The following PHLDB2 variants were observed in gnomAD, a reference collection of about 807,000 sequenced individuals.
The protein encoded by PHLDB2 is pleckstrin homology-like domain family B member 2.
A neutral mutation model predicts 123.6 loss-of-function variants in PHLDB2; 71 were observed. The ratio of observed to expected loss-of-function variants is 0.57; its 90% CI spans 0.47 to 0.70. PHLDB2 has a LOEUF of 0.70. Ranked by LOEUF, PHLDB2 falls within the 30% of genes least tolerant of loss-of-function variation. The probability of loss-of-function intolerance (pLI) is 0.00; values close to 1 mark genes in which losing one functional copy is unlikely to be tolerated. For missense variants in PHLDB2, 1,446 were observed against 1,519.5 expected (o/e 0.95, Z 0.80); for synonymous variants, 547 against 541.6 (o/e 1.01, Z -0.14).
chr3:111,789,753 C>A (rs1335907705), intron 1 of PHLDB2, among the ~76,000 whole-genome samples: 1 of 152,188 alleles, frequency 6.6e-6, no homozygotes, highest in African/African-American at 2.4e-5. Context: ...CAGCGACCAA[C>A]AAATAGCAGT....
intron 3 of PHLDB2, 31 bp downstream of exon 3, chr3:111,913,733 T>G (rs140142624): frequency 2.5e-6 from 4 of 1,573,238 alleles, no homozygotes; most frequent in Non-Finnish European, 3.5e-6. Flanking sequence ...ATACTAGGAT[T>G]TAAGGTCTAG....
intron 1 of PHLDB2, among the ~76,000 whole-genome samples, chr3:111,813,143 C>A (rs148483398): frequency 6.6e-6 from 1 of 152,256 alleles, no homozygotes; most frequent in Non-Finnish European, 1.5e-5. Context: ...TATAAAAAAA[C>A]TGTAGGAGGA....
intron 2 of PHLDB2, chr3:111,911,472 T>C: frequency 1.5e-6 from 1 of 689,216 alleles, no homozygotes; most frequent in Non-Finnish European, 2.4e-6. Flanking sequence ...TGTAGACTTT[T>C]CCAGATTGTT....
intron 3 of PHLDB2, chr3:111,914,362 T>G (rs1019039037): frequency 4.6e-5 from 7 of 152,252 alleles, no homozygotes; most frequent in African/African-American, 1.7e-4. Flanking sequence ...ACTCAATATT[T>G]CCAAATCGTA....
chr3:111,768,632 C>T (rs1461907109), intron 1 of PHLDB2, among the ~76,000 whole-genome samples: 1 of 152,142 alleles, frequency 6.6e-6, no homozygotes, highest in Non-Finnish European at 1.5e-5. Context: ...TCACCCACAC[C>T]CTCGGATCCT....
intron 11 of PHLDB2, 86 bp downstream of exon 11, chr3:111,952,798 A>C: frequency 6.9e-7 from 1 of 1,442,274 alleles, no homozygotes. Context: ...CTTTAAAGAA[A>C]AGTGCTAAAT....
chr3:111,816,738 T>C (rs182488676), intron 1 of PHLDB2, among the ~76,000 whole-genome samples: 29 of 152,294 alleles, frequency 1.9e-4, no homozygotes, highest in Admixed American at 1.2e-3. Context: ...CTGTTGGGAA[T>C]GCATGATTGG....
intron 1 of PHLDB2, among the ~76,000 whole-genome samples, chr3:111,837,512 G>A (rs571593419): frequency 1.4e-4 from 22 of 152,176 alleles, no homozygotes; most frequent in Middle Eastern, 3.4e-3. Context: ...AGAAATGCTG[G>A]ATTACACAAA....
chr3:111,917,240 A>G (rs1201589608), intron 3 of PHLDB2: 3 of 152,254 alleles, frequency 2.0e-5, no homozygotes, highest in Non-Finnish European at 2.9e-5. Flanking sequence ...ATTATTAAAT[A>G]TATCTACTGT....
chr3:111,912,463 A>C (rs1458597933), intron 2 of PHLDB2, among the ~76,000 whole-genome samples: 3 of 152,158 alleles, frequency 2.0e-5, no homozygotes, highest in Non-Finnish European at 2.9e-5. Flanking sequence ...TCTGGACTTC[A>C]TGTGAAATGT....
At chr3:111,949,173 C>A in intron 10 of PHLDB2, 98 bp downstream of exon 10, 1 of 1,377,438 alleles carries the variant, frequency 7.3e-7, no homozygotes, top group Non-Finnish European at 1.0e-6. Flanking sequence ...ACGTGCATGA[C>A]AAATGTATAT....
chr3:111,946,543 T>C (rs1321835982), intron 9 of PHLDB2, among the ~76,000 whole-genome samples: 1 of 152,228 alleles, frequency 6.6e-6, no homozygotes, highest in African/African-American at 2.4e-5. Context: ...AAATATTTCT[T>C]CCAAAGCTTT....
rs2066096207 is a variant in PHLDB2 at position 111,885,275 on chromosome 3, C to G, written c.1198C>G (p.Gln400Glu). The G allele has an allele frequency of 3.1e-6, 5 of 1,614,202 alleles. No homozygotes were observed. The highest frequency in any genetic ancestry group is 4.2e-6 in the Non-Finnish European group (5 of 1,180,034). ...TGAGGCAGATTTGGAAAGCCTCAGACAGGCCTCAGGAACCCCCCAGCCTGC... is the reference window on the plus strand; with the variant it reads ...TGAGGCAGATTTGGAAAGCCTCAGAGAGGCCTCAGGAACCCCCCAGCCTGC... ...FDEADLESLRQASGTPQPALR... is the reference protein window; with the variant it reads ...FDEADLESLREASGTPQPALR... Residue 400 changes from glutamine to glutamate, a missense_variant, in exon 2 of 18, where the codon CAG becomes GAG. Around this residue, in one of 3 missense-constraint regions of PHLDB2, gnomAD observed 832 missense variants for 831.9 expected, o/e 1.00. Transcript: ENST00000431670.
At chr3:111,974,352 CAT>C (rs1425287513) in intron 17 of PHLDB2, 69 bp from the exon 18 acceptor site, 44 of 1,354,734 alleles carry the variant, frequency 3.2e-5, no homozygotes, top group Middle Eastern at 2.1e-4. Flanking sequence ...GAAGTCATCA[CAT>C]GTCTGTGTTA....
At chr3:111,839,966 C>CTTTTTTTTTTTTTTTTTTTTTTT (rs1559861765) in intron 1 of PHLDB2, among the ~76,000 whole-genome samples, 1 of 4,242 alleles carries the variant, frequency 2.4e-4, no homozygotes, top group African/African-American at 5.3e-4. Flanking sequence ...TTTTTTTTTG[C>CTTTTTTTTTTTTTTTTTTTTTTT]GCCAAGTGTG....
intron 13 of PHLDB2, among the ~76,000 whole-genome samples, chr3:111,966,007 A>C (rs1205708293): frequency 6.6e-6 from 1 of 152,158 alleles, no homozygotes; most frequent in African/African-American, 2.4e-5. Context: ...GGTACTCTTC[A>C]CAAAACTGGC....
chr3:111,898,182 T>TTTGTG lies in PHLDB2; in HGVS notation c.1335+12771_1335+12772insTGTGT, dbSNP rs2066985133. The stretch of plus-strand genomic sequence containing the variant: ...TTTCTTTGTGTGTGTGTGTGTGTGT[T>TTTGTG]TGTGTGTGTGTGTGTGTGTGTGTGT... On this transcript the variant is annotated intron_variant, in intron 2 of 17. Transcript: ENST00000431670. Among the ~76,000 whole-genome samples, 1,334 of 142,640 alleles carry TTTGTG rather than the reference T, an allele frequency of 9.4e-3. 4 individuals are homozygous for TTTGTG. The highest frequency in any genetic ancestry group is 0.013 in the Non-Finnish European group (831 of 66,140). The allele number at this position is 142,640 out of a possible 152,430, so 93.6% of individuals were successfully genotyped here. A position where few individuals can be genotyped will look rare whatever the true frequency, so the allele number is the denominator to read the frequency against.
chr3:111,897,666 A>G (rs548598324), intron 2 of PHLDB2, among the ~76,000 whole-genome samples: 11 of 152,244 alleles, frequency 7.2e-5, no homozygotes, highest in Non-Finnish European at 1.3e-4. Flanking sequence ...AAGAGGAACA[A>G]ATTTCTCATA....
rs1436528394 is a variant in PHLDB2 at position 111,956,701 on chromosome 3, AGAG to A, written c.2872+2679_2872+2681del. Among the ~76,000 whole-genome samples the A allele has an allele frequency of 4.6e-5, 7 of 152,182 alleles. No homozygotes were observed. In the East Asian group the frequency reaches 9.6e-4, roughly 21 times the overall value. On this transcript the variant is annotated intron_variant, in intron 12 of 17. Transcript: ENST00000431670. Reference sequence around the variant, plus strand: ...CCTGCTGCCTTTGGCTCCCCTACCCAGAGGAGGAGAAGTCAGGGTCTATAGTTC... The same window carrying A: ...CCTGCTGCCTTTGGCTCCCCTACCCAGAGGAGAAGTCAGGGTCTATAGTTC...
Sources: allele counts gnomAD v4.1 joint callset (sites outside exome capture counted in the v4.1 genomes callset), GRCh38; gene constraint gnomAD v4.1.1; regional missense constraint gnomAD v4.1.1; transcripts MANE v1.5; gene names NCBI Gene and HGNC (gene_info 2026-07-23, HGNC 2026-07-21).